NFATC3: variants seen among roughly 807,000 people sequenced by gnomAD.
NFATC3 encodes nuclear factor of activated T-cells, cytoplasmic 3.
In NFATC3, 46 loss-of-function variants were observed where a neutral mutation model predicts 98.6. That is an observed-to-expected ratio of 0.47 (90% CI 0.37 to 0.60). The LOEUF (loss-of-function observed/expected upper bound fraction) is 0.60, where lower values mean the gene tolerates loss of function less well. Ranked by LOEUF, NFATC3 falls within the 20% of genes least tolerant of loss-of-function variation. NFATC3 has a pLI of 0.00. For synonymous variants in NFATC3, 512 were observed against 472.2 expected (o/e 1.08, Z -1.09); for missense variants, 1,256 against 1,295.5 (o/e 0.97, Z 0.47).
At chr16:68,130,057 C>T (rs917705404) in intron 3 of NFATC3, among the ~76,000 whole-genome samples, 8 of 152,094 alleles carry the variant, frequency 5.3e-5, no homozygotes, top group Non-Finnish European at 1.0e-4. Context: ...CATCCACTGA[C>T]GAACACTTAT....
Position 68,166,973 on chromosome 16 carries a change from A to G in NFATC3, c.1732A>G (p.Lys578Glu). 1 of 1,614,194 alleles carries G rather than the reference A, an allele frequency of 6.2e-7. No individual in the cohort carries two copies. The highest frequency in any genetic ancestry group is 8.5e-7 in the Non-Finnish European group (1 of 1,180,016). The change falls in exon 5 of 10, where the codon AAA becomes GAA. Residue 578 changes from lysine (K) to glutamate (E), a missense_variant. This residue lies in a region of NFATC3 where 636 missense variants were observed against 617.3 expected (regional missense o/e 1.03). Transcript: ENST00000346183. ...TGTACACATCCCACAGCCCAGTGGA[A>G]AAGTCCTTTCTCTGCAGATAGCCTC... ...FRVHIPQPSG[K>E]VLSLQIASIP...
chr16:68,175,566 CTT>C (rs957975534), intron 6 of NFATC3, among the ~76,000 whole-genome samples: 44 of 147,620 alleles, frequency 3.0e-4, no homozygotes, highest in African/African-American at 1.1e-3. Flanking sequence ...TTATGAAAGA[CTT>C]TTTTTTTTTG....
Position 68,085,690 on chromosome 16 carries a change from T to C in NFATC3, c.9T>C (p.Thr3=). The change falls in exon 1 of 10, where the codon ACT becomes ACC. Residue 3 remains threonine, a synonymous_variant. Coordinates refer to ENST00000346183, the MANE Select transcript of NFATC3 (RefSeq NM_173165.3). MT[T]ANCGAHDELD... ...CACCCTGGGCCACGCCGATGACTAC[T>C]GCAAACTGTGGCGCCCACGACGAGC... The C allele has an allele frequency of 6.6e-7, 1 of 1,515,404 alleles. No homozygotes were observed. Among genetic ancestry groups the C allele is most frequent in the Non-Finnish European group, 8.8e-7 (1 of 1,133,658 alleles). The allele number at this position is 1,515,404 out of a possible 1,614,324, so 93.9% of individuals were successfully genotyped here.
At chr16:68,163,266 C>T (rs1410068916) in intron 4 of NFATC3, among the ~76,000 whole-genome samples, 6 of 151,802 alleles carry the variant, frequency 4.0e-5, no homozygotes, top group African/African-American at 1.2e-4. Context: ...ACCTCCCAGA[C>T]GGGGTGGTGG....
At chr16:68,138,923 AC>A (rs951982169) in intron 3 of NFATC3, 1 of 465,002 alleles carries the variant, frequency 2.2e-6, no homozygotes, top group Non-Finnish European at 3.4e-6. Context: ...AAGTAACTTA[AC>A]CTTTCTTTCT....
chr16:68,099,631 T>A (rs1027525418), intron 1 of NFATC3, among the ~76,000 whole-genome samples: 4 of 150,324 alleles, frequency 2.7e-5, no homozygotes, highest in East Asian at 1.9e-4. Context: ...ATAATAATAA[T>A]AAAAAATATA....
chr16:68,203,272 A>T (rs1253855456), intron 9 of NFATC3, among the ~76,000 whole-genome samples: 1 of 152,200 alleles, frequency 6.6e-6, no homozygotes, highest in Admixed American at 6.5e-5. Context: ...GACATAAATA[A>T]GTTGTACCTT....
Position 68,122,028 on chromosome 16 carries a change from G to T in NFATC3, c.145G>T (p.Val49Leu). Residue 49 changes from valine to leucine, a missense_variant, in exon 2 of 10, where the codon GTA (valine) becomes TTA (leucine). By Grantham distance (32) the Val-to-Leu change is conservative. This residue lies in a region of NFATC3 where 464 missense variants were observed against 465.7 expected (regional missense o/e 1.00). Transcript: ENST00000346183. ...TTGTGCATCCATTTACATCTTTAATGTAGATCCACCTCCATCTACTTTAAC... is the reference window on the plus strand; with the variant it reads ...TTGTGCATCCATTTACATCTTTAATTTAGATCCACCTCCATCTACTTTAAC... ...DDCASIYIFN[V>L]DPPPSTLTTP... 1 of 1,609,002 alleles carries T rather than the reference G, an allele frequency of 6.2e-7. No individual in the cohort carries two copies.
intron 1 of NFATC3, chr16:68,086,897 C>G: frequency 6.5e-6 from 4 of 616,652 alleles, no homozygotes; most frequent in Non-Finnish European, 8.1e-6. Context: ...CGTTTATTTT[C>G]AATTCCATTA....
At chr16:68,159,782 A>G (rs117518833) in intron 4 of NFATC3, among the ~76,000 whole-genome samples, 41 of 152,024 alleles carry the variant, frequency 2.7e-4, no homozygotes, top group Non-Finnish European at 5.7e-4. Context: ...GAACAGTCCT[A>G]TAAAACAGAT....
At chr16:68,141,774 G>A (rs1246320716) in intron 3 of NFATC3, among the ~76,000 whole-genome samples, 2 of 152,006 alleles carry the variant, frequency 1.3e-5, no homozygotes, top group Admixed American at 6.6e-5. Context: ...TGTTTATTGC[G>A]ATGATTATTT....
Position 68,125,666 on chromosome 16 carries a change from A to T in NFATC3, c.1239-782A>T, listed in dbSNP as rs139790860. ...GGGAGGGAGATAGACATCCTGACAC[A>T]GAGAGAGATGTTTGGATATGTGGAG... On this transcript the variant is annotated intron_variant, in intron 2 of 9. Coordinates refer to ENST00000346183, the MANE Select transcript of NFATC3 (RefSeq NM_173165.3). 1.3e-3 allele frequency among the ~76,000 whole-genome samples: 196 copies of T among 152,316 alleles called. 1 individual carries two copies. Among genetic ancestry groups the T allele is most frequent in the African/African-American group, 4.4e-3 (184 of 41,554 alleles).
intron 4 of NFATC3, among the ~76,000 whole-genome samples, chr16:68,165,224 T>C (rs1407248728): frequency 7.2e-5 from 11 of 152,164 alleles, no homozygotes; most frequent in Admixed American, 5.2e-4. Flanking sequence ...GTATCAGTTA[T>C]ATAATTTGTT....
At chr16:68,163,234 T>C (rs911979014) in intron 4 of NFATC3, among the ~76,000 whole-genome samples, 1 of 152,066 alleles carries the variant, frequency 6.6e-6, no homozygotes, top group Non-Finnish European at 1.5e-5. Flanking sequence ...TCATGGCCCG[T>C]TCTCAATGAG....
intron 3 of NFATC3, among the ~76,000 whole-genome samples, chr16:68,152,378 C>CAAA (rs34713933): frequency 9.2e-5 from 7 of 75,846 alleles, no homozygotes; most frequent in Non-Finnish European, 1.5e-4. Flanking sequence ...GACTCTGTCT[C>CAAA]AAAAAAAAAA....
intron 9 of NFATC3, among the ~76,000 whole-genome samples, chr16:68,197,552 A>G (rs1041328372): frequency 6.6e-6 from 1 of 152,194 alleles, no homozygotes; most frequent in South Asian, 2.1e-4. Flanking sequence ...GCCTAGTTTG[A>G]GGCTAGCGTG....
At chr16:68,144,032 G>T (rs149380965) in intron 3 of NFATC3, among the ~76,000 whole-genome samples, 1 of 152,036 alleles carries the variant, frequency 6.6e-6, no homozygotes, top group African/African-American at 2.4e-5. Context: ...CTTTAGCTCC[G>T]TGAAAGATGC....
chr16:68,213,743 C>T (rs1234320879), intron 9 of NFATC3, among the ~76,000 whole-genome samples: 1 of 151,824 alleles, frequency 6.6e-6, no homozygotes, highest in Non-Finnish European at 1.5e-5. Context: ...GCAGGAGAAT[C>T]ACTTGAACCT....
At chr16:68,150,604 GACTAC>G (rs932164494) in intron 3 of NFATC3, among the ~76,000 whole-genome samples, 2 of 151,742 alleles carry the variant, frequency 1.3e-5, no homozygotes, top group Non-Finnish European at 2.9e-5. Context: ...TGATATAATT[GACTAC>G]ACGTATAATT....
Sources: allele counts gnomAD v4.1 joint callset (sites outside exome capture counted in the v4.1 genomes callset), GRCh38; gene constraint gnomAD v4.1.1; regional missense constraint gnomAD v4.1.1; transcripts MANE v1.5; gene names NCBI Gene and HGNC (gene_info 2026-07-23, HGNC 2026-07-21).